ATP1A4: variants seen among roughly 807,000 people sequenced by gnomAD.
ATP1A4 encodes ATPase Na+/K+ transporting subunit alpha 4.
ATP1A4 carries 90 observed loss-of-function variants against 114.3 expected under a neutral mutation model. That is an observed-to-expected ratio of 0.79 (90% confidence interval 0.66 to 0.94). The LOEUF (loss-of-function observed/expected upper bound fraction) is 0.94, where lower values mean the gene tolerates loss of function less well. ATP1A4 is among the 40% of genes least tolerant of loss of function. The pLI is 0.00. For synonymous variants in ATP1A4, 511 were observed against 494.1 expected, an observed-to-expected ratio of 1.03 and a Z score of -0.45; for missense variants, 1,222 against 1,313.6, an observed-to-expected ratio of 0.93 and a Z score of 1.08.
intron 15 of ATP1A4, 104 bp downstream of exon 15, chr1:160,174,851 C>G: frequency 6.6e-7 from 1 of 1,521,646 alleles, no homozygotes; most frequent in Non-Finnish European, 8.9e-7. Flanking sequence ...CCTCCATGAG[C>G]CTGTACGGGC....
At chr1:160,186,419 T>C (rs1653897997) in intron 21 of ATP1A4, 52 bp downstream of exon 21, 2 of 1,399,782 alleles carry the variant, frequency 1.4e-6, no homozygotes, top group South Asian at 1.2e-5. Flanking sequence ...GCCCCCTCAC[T>C]AGCTCTCCCA....
intron 4 of ATP1A4, among the ~76,000 whole-genome samples, chr1:160,157,513 T>A (rs1370100372): frequency 6.6e-6 from 1 of 152,254 alleles, no homozygotes; most frequent in African/African-American, 2.4e-5. Flanking sequence ...CGTTAAAGGA[T>A]GTATTGGGTC....
At position 160,167,355 on chromosome 1, in the gene ATP1A4, G is replaced by A. The variant is rs745419171; in HGVS notation, c.1434G>A (p.Met478Ile). ...AGTCTTACAGCTCTGTGGCGGAGAT[G>A]AGAGAGAAAAACCCCAAGGTGGCAG... ...IEQSYSSVAE[M>I]REKNPKVAEI... The change falls in exon 10 of 22, where the codon ATG (methionine) becomes ATA (isoleucine). Residue 478 changes from methionine (M) to isoleucine (I), a missense_variant. By Grantham distance (10) the Met-to-Ile change is conservative. Coordinates refer to ENST00000368081, the MANE Select transcript of ATP1A4 (RefSeq NM_144699.4). 2 of 1,612,100 alleles carry A rather than the reference G, an allele frequency of 1.2e-6. No homozygotes were observed. Among genetic ancestry groups the A allele is most frequent in the Admixed American group, 1.7e-5 (1 of 59,008 alleles).
At chr1:160,159,317 G>T in intron 5 of ATP1A4, 92 bp from the exon 6 acceptor site, 1 of 1,361,354 alleles carries the variant, frequency 7.3e-7, no homozygotes, top group Non-Finnish European at 1.0e-6. Flanking sequence ...CAGTGATGAT[G>T]TTGGTGACCA....
Position 160,186,086 on chromosome 1 carries a change from CAAAAAA to C in ATP1A4, c.2970-173_2970-168del, listed in dbSNP as rs527303426. ...TGGGCAACAGAACAAGACTCTGTCG[CAAAAAA>C]AAAAAAAAAAAAAAAAGGGATCAAC... On this transcript the variant is annotated intron_variant, in intron 20 of 21. Transcript: ENST00000368081. Among the ~76,000 whole-genome samples the C allele has an allele frequency of 7.0e-3, 230 of 32,796 alleles. 7 individuals are homozygous for C. The highest frequency in any genetic ancestry group is 0.027 in the African/African-American group (216 of 7,904). The allele number at this position is 32,796 out of a possible 152,430, so 21.5% of individuals were successfully genotyped here. A position where few individuals can be genotyped will look rare whatever the true frequency, so the allele number is the denominator to read the frequency against.
intron 2 of ATP1A4, 88 bp downstream of exon 2, chr1:160,153,312 C>A: frequency 8.1e-7 from 1 of 1,231,706 alleles, no homozygotes; most frequent in South Asian, 1.2e-5. Flanking sequence ...GAATCCAGCC[C>A]CCTAACTTCA....
At chr1:160,165,455 G>A (rs923173358) in intron 7 of ATP1A4, among the ~76,000 whole-genome samples, 2 of 152,102 alleles carry the variant, frequency 1.3e-5, no homozygotes, top group African/African-American at 4.8e-5. Context: ...TCTCCTCCAC[G>A]TTCTTTGTTT....
intron 18 of ATP1A4, among the ~76,000 whole-genome samples, chr1:160,180,218 G>A (rs75978735): frequency 0.022 from 3,403 of 152,244 alleles, 49 homozygotes; most frequent in Non-Finnish European, 0.036. Context: ...TTCCATGCTC[G>A]GCTCATCAAT....
chr1:160,186,807 T>C lies in ATP1A4; in HGVS notation c.*108T>C. 1 of 1,290,878 alleles carries C rather than the reference T, an allele frequency of 7.7e-7. No homozygotes were observed. The highest frequency in any genetic ancestry group is 1.1e-6 in the Non-Finnish European group (1 of 910,504). The allele number at this position is 1,290,878 out of a possible 1,614,324, so 80.0% of individuals were successfully genotyped here. On this transcript the variant is annotated 3_prime_UTR_variant, in exon 22 of 22. Coordinates refer to ENST00000368081, the MANE Select transcript of ATP1A4 (RefSeq NM_144699.4). ...ATCTGAGACACTAGGATGAATTATC[T>C]TGGATGAGAAAGATGGGCAATCCTG...
intron 4 of ATP1A4, among the ~76,000 whole-genome samples, chr1:160,157,976 G>A (rs1247248283): frequency 6.6e-6 from 1 of 152,182 alleles, no homozygotes; most frequent in Non-Finnish European, 1.5e-5. Context: ...ATATGATCAT[G>A]TTCCAGTAGT....
At chr1:160,167,562 A>G in intron 10 of ATP1A4, 150 bp downstream of exon 10, 1 of 1,087,480 alleles carries the variant, frequency 9.2e-7, no homozygotes, top group Non-Finnish European at 1.3e-6. Context: ...GACTCACATC[A>G]AGAGAACGTG....
intron 10 of ATP1A4, among the ~76,000 whole-genome samples, chr1:160,168,974 C>T (rs899518213): frequency 6.6e-6 from 1 of 152,182 alleles, no homozygotes; most frequent in African/African-American, 2.4e-5. Context: ...AAAAGCAAAA[C>T]ATATTCACAA....
chr1:160,174,365 CAG>C (rs796747902), intron 14 of ATP1A4, 104 bp downstream of exon 14: 1 of 1,506,832 alleles, frequency 6.6e-7, no homozygotes, highest in African/African-American at 1.4e-5. Flanking sequence ...GAGGAGACTC[CAG>C]AGAGTACCCC....
At position 160,186,504 on chromosome 1, in the gene ATP1A4, G is replaced by A. The variant is rs1049026652; in HGVS notation, c.3061+137G>A. The stretch of plus-strand genomic sequence containing the variant: ...GCCAGCCTTGACTGCGCCTGGAGCC[G>A]AGACCTCTCTACCCCTTGGCTGCAC... On this transcript the variant is annotated intron_variant, in intron 21 of 21. Coordinates refer to ENST00000368081, the MANE Select transcript of ATP1A4 (RefSeq NM_144699.4). 4.6e-5 allele frequency: 49 copies of A among 1,055,560 alleles called. 1 individual carries two copies. The highest frequency in any genetic ancestry group is 2.5e-4 in the African/African-American group (16 of 64,052). The allele number at this position is 1,055,560 out of a possible 1,614,324, so 65.4% of individuals were successfully genotyped here.
At chr1:160,160,058 T>C (rs1387863249) in intron 6 of ATP1A4, among the ~76,000 whole-genome samples, 2 of 152,206 alleles carry the variant, frequency 1.3e-5, no homozygotes, top group Non-Finnish European at 2.9e-5. Context: ...TGGGAGACAG[T>C]TCTGGCAAAG....
intron 10 of ATP1A4, among the ~76,000 whole-genome samples, chr1:160,168,322 T>C (rs1199489577): frequency 1.3e-5 from 2 of 150,704 alleles, no homozygotes; most frequent in African/African-American, 2.4e-5. Flanking sequence ...GACATTCAGG[T>C]GTGGGTAAAA....
chr1:160,154,974 C>A, intron 2 of ATP1A4, 71 bp from the exon 3 acceptor site: 1 of 1,446,264 alleles, frequency 6.9e-7, no homozygotes, highest in Non-Finnish European at 9.7e-7. Flanking sequence ...CTCCAAATGT[C>A]AGGTTCCCTT....
rs776439766 is a variant in ATP1A4, at chr1:160,174,583, C to T, written c.2147C>T (p.Ala716Val). ...TCTCTGTCTGGACTTCCTCAGGGAG[C>T]CGTTGTGGCCGTGACAGGTGACGGG... is the stretch of plus-strand genomic sequence containing the variant. ...IIVEGCQRLG[A>V]VVAVTGDGVN... The change falls in exon 15 of 22, where the codon GCC becomes GTC. Residue 716 changes from alanine to valine, a missense_variant. By Grantham distance (64) the Ala-to-Val change is moderately conservative. Coordinates refer to ENST00000368081, the MANE Select transcript of ATP1A4 (RefSeq NM_144699.4). 1 of 1,613,042 alleles carries T rather than the reference C, an allele frequency of 6.2e-7. No individual in the cohort carries two copies. Among genetic ancestry groups the T allele is most frequent in the Non-Finnish European group, 8.5e-7 (1 of 1,179,138 alleles).
At position 160,159,084 on chromosome 1, in the gene ATP1A4, G is replaced by T. The variant is rs1652776324; in HGVS notation, c.608G>T (p.Gly203Val). ...VVLGDLVEIKGGDRVPADLRL... is the reference protein window; with the variant it reads ...VVLGDLVEIKVGDRVPADLRL... The stretch of plus-strand genomic sequence containing the variant: ...TTGGGAGACCTGGTGGAAATCAAGG[G>T]TGGAGACCGAGTCCCTGCTGACCTC... The change falls in exon 5 of 22, where the codon GGT becomes GTT. Residue 203 changes from glycine (G) to valine (V), a missense_variant. By Grantham distance (109) the Gly-to-Val change is moderately radical (BLOSUM62 -3). Transcript: ENST00000368081. 6.2e-7 allele frequency: 1 copy of T among 1,614,010 alleles called. No homozygotes were observed. The highest frequency in any genetic ancestry group is 8.5e-7 in the Non-Finnish European group (1 of 1,180,004).
Sources: gnomAD v4.1 joint callset for allele counts (sites outside exome capture counted in the v4.1 genomes callset) on GRCh38, gnomAD v4.1.1 for gene constraint, MANE v1.5 for transcripts, NCBI Gene and HGNC (gene_info 2026-07-23, HGNC 2026-07-21) for gene names.